GOLM2: variants seen among roughly 807,000 people sequenced by gnomAD.
The protein encoded by GOLM2 is protein GOLM2.
A neutral mutation model predicts 55.9 loss-of-function variants in GOLM2; 26 were observed. The ratio of observed to expected loss-of-function variants is 0.47; its 90% confidence interval spans 0.34 to 0.65. The LOEUF (loss-of-function observed/expected upper bound fraction) is 0.65, where lower values mean the gene tolerates loss of function less well. GOLM2 is among the 30% of genes least tolerant of loss of function. The pLI is 0.01. For missense variants in GOLM2, 486 were observed against 531.8 expected, an observed-to-expected ratio of 0.91 and a Z score of 0.85; for synonymous variants, 165 against 194.6, an observed-to-expected ratio of 0.85 and a Z score of 1.27.
At position 44,288,844 on chromosome 15, in the gene GOLM2, G is replaced by C. The variant is rs2078698313; in HGVS notation, c.-186G>C. 2 of 594,886 alleles carry C rather than the reference G, an allele frequency of 3.4e-6. No individual in the cohort carries two copies. Among genetic ancestry groups the C allele is most frequent in the Admixed American group, 6.2e-5 (2 of 32,196 alleles). 36.9% of individuals were successfully genotyped at this position (594,886 alleles called of 1,614,324 possible). A position where few individuals can be genotyped will look rare whatever the true frequency, so the allele number is the denominator to read the frequency against. ...ACGCGTTTTGGCCTGATTTGAGGAG[G>C]GGGGCGGGGAGGGACCTGCGGCTTG... On this transcript the variant is annotated 5_prime_UTR_variant, in exon 1 of 10. Coordinates refer to ENST00000299957, the MANE Select transcript of GOLM2 (RefSeq NM_138423.4).
chr15:44,360,078 C>G (rs1376942936), intron 6 of GOLM2, among the ~76,000 whole-genome samples: 35 of 152,128 alleles, frequency 2.3e-4, no homozygotes, highest in Non-Finnish European at 3.8e-4. Flanking sequence ...GGAACAACCA[C>G]TACCAGCCGC....
chr15:44,327,279 G>A (rs2078990051), intron 2 of GOLM2, among the ~76,000 whole-genome samples: 1 of 151,476 alleles, frequency 6.6e-6, no homozygotes, highest in Non-Finnish European at 1.5e-5. Flanking sequence ...AAACAGCCAG[G>A]CATGGTGGCT....
chr15:44,307,630 A>T (rs921448556), intron 1 of GOLM2: 1 of 152,168 alleles, frequency 6.6e-6, no homozygotes, highest in Non-Finnish European at 1.5e-5. Context: ...GTTGAATACC[A>T]TGTGGTATGT....
At chr15:44,365,238 T>C (rs1321694262) in intron 6 of GOLM2, among the ~76,000 whole-genome samples, 1 of 152,106 alleles carries the variant, frequency 6.6e-6, no homozygotes, top group African/African-American at 2.4e-5. Context: ...TGAAAAGACT[T>C]GGAGAAAGCT....
chr15:44,362,276 A>C (rs1051641566), intron 6 of GOLM2, among the ~76,000 whole-genome samples: 1 of 152,140 alleles, frequency 6.6e-6, no homozygotes, highest in Non-Finnish European at 1.5e-5. Context: ...AGACAACATG[A>C]TTGTATATCT....
At chr15:44,412,833 T>A (rs1259767326) in intron 9 of GOLM2, among the ~76,000 whole-genome samples, 1 of 151,962 alleles carries the variant, frequency 6.6e-6, no homozygotes, top group African/African-American at 2.4e-5. Context: ...TAAAACCCCG[T>A]CTCTACTAAA....
chr15:44,393,297 C>G (rs1327003598), intron 8 of GOLM2, among the ~76,000 whole-genome samples: 1 of 152,032 alleles, frequency 6.6e-6, no homozygotes, highest in Admixed American at 6.6e-5. Flanking sequence ...AAAGTTCTTA[C>G]AAAGATTTAC....
chr15:44,317,839 T>C (rs1567024084), intron 1 of GOLM2, among the ~76,000 whole-genome samples: 1 of 152,202 alleles, frequency 6.6e-6, no homozygotes, highest in Non-Finnish European at 1.5e-5. Context: ...CAGAAAATTA[T>C]ATTCTTACTC....
chr15:44,348,116 T>C (rs2079137353), intron 6 of GOLM2, among the ~76,000 whole-genome samples: 1 of 151,844 alleles, frequency 6.6e-6, no homozygotes, highest in Non-Finnish European at 1.5e-5. Context: ...GCTTCAGGTA[T>C]GACCCAGCAG....
At chr15:44,361,567 G>A (rs1354429032) in intron 6 of GOLM2, among the ~76,000 whole-genome samples, 5 of 151,988 alleles carry the variant, frequency 3.3e-5, no homozygotes, top group Admixed American at 2.0e-4. Context: ...GCTTACCAAC[G>A]AAAAAGAGTC....
intron 1 of GOLM2, among the ~76,000 whole-genome samples, chr15:44,305,362 C>T (rs531227684): frequency 1.3e-5 from 2 of 151,444 alleles, no homozygotes; most frequent in East Asian, 3.9e-4. Context: ...TGCAGTGGTG[C>T]GATCTCGGCT....
At chr15:44,296,608 G>A (rs528436497) in intron 1 of GOLM2, among the ~76,000 whole-genome samples, 2 of 152,294 alleles carry the variant, frequency 1.3e-5, no homozygotes, top group Non-Finnish European at 2.9e-5. Flanking sequence ...TCTTAAAACA[G>A]TGCCTACTAC....
intron 9 of GOLM2, among the ~76,000 whole-genome samples, chr15:44,405,795 A>G (rs1312553830): frequency 6.6e-6 from 1 of 151,686 alleles, no homozygotes; most frequent in Non-Finnish European, 1.5e-5. Context: ...TAAGTTTTGT[A>G]TTTTTAGTAG....
chr15:44,388,991 A>G lies in GOLM2; in HGVS notation c.1072+8015A>G, dbSNP rs533998646. On this transcript the variant is annotated intron_variant, in intron 8 of 9. Transcript: ENST00000299957. ...CCACCACGCCCGGCTAATTTTTTGTATTTTTTTAGTAGAGACGGGGTTTCA... is the reference window on the plus strand; with the variant it reads ...CCACCACGCCCGGCTAATTTTTTGTGTTTTTTTAGTAGAGACGGGGTTTCA... 2.4e-4 allele frequency among the ~76,000 whole-genome samples: 36 copies of G among 151,246 alleles called. 2 individuals are homozygous for G. In the East Asian group the frequency reaches 6.9e-3, roughly 29 times the overall value.
intron 6 of GOLM2, among the ~76,000 whole-genome samples, chr15:44,377,037 C>T (rs1224127188): frequency 6.6e-6 from 1 of 152,124 alleles, no homozygotes; most frequent in Non-Finnish European, 1.5e-5. Context: ...CAGTAAAAGT[C>T]TATCCACCAA....
At chr15:44,371,813 G>A (rs981196323) in intron 6 of GOLM2, among the ~76,000 whole-genome samples, 3 of 152,126 alleles carry the variant, frequency 2.0e-5, no homozygotes, top group Non-Finnish European at 4.4e-5. Context: ...AGTTTTACAT[G>A]TAAATTGTAA....
intron 1 of GOLM2, among the ~76,000 whole-genome samples, chr15:44,304,237 T>TC (rs2078820246): frequency 7.5e-6 from 1 of 134,056 alleles, no homozygotes; most frequent in Non-Finnish European, 1.6e-5. Flanking sequence ...CTTCTTTTTT[T>TC]TTTTTTTTTT....
intron 6 of GOLM2, among the ~76,000 whole-genome samples, chr15:44,350,690 A>G (rs572596486): frequency 6.6e-6 from 1 of 152,348 alleles, no homozygotes; most frequent in South Asian, 2.1e-4. Context: ...ACCACAGACC[A>G]ATATCTCTGA....
chr15:44,410,903 CAAAAAAAAA>C (rs35934853), intron 9 of GOLM2, among the ~76,000 whole-genome samples: 2 of 56,314 alleles, frequency 3.6e-5, no homozygotes, highest in Non-Finnish European at 6.7e-5. Flanking sequence ...GACCCTGTAT[CAAAAAAAAA>C]AAAAAAAAAA....
Sources: gnomAD v4.1 joint callset for allele counts (sites outside exome capture counted in the v4.1 genomes callset) on GRCh38, gnomAD v4.1.1 for gene constraint, MANE v1.5 for transcripts, NCBI Gene and HGNC (gene_info 2026-07-23, HGNC 2026-07-21) for gene names.